WASF3: variants seen among roughly 807,000 people sequenced by gnomAD.
WASF3 encodes the protein WASP family member 3.
A neutral mutation model predicts 46.6 loss-of-function variants in WASF3; 11 were observed. The ratio of observed to expected loss-of-function variants is 0.24; its 90% CI spans 0.15 to 0.39. The LOEUF is 0.39. WASF3 is among the 10% of genes least tolerant of loss of function. WASF3 has a pLI of 1.00. For missense variants in WASF3, 576 were observed against 669.8 expected (o/e 0.86, Z 1.55); for synonymous variants, 242 against 259.7 (o/e 0.93, Z 0.65).
chr13:26,654,632 T>G (rs73496353), intron 3 of WASF3, among the ~76,000 whole-genome samples: 5,176 of 152,332 alleles, frequency 0.034, 309 homozygotes, highest in African/African-American at 0.12. Context: ...ATCTAAGTTC[T>G]TAAAATGCTT....
At chr13:26,577,795 T>C in intron 1 of WASF3, 2 of 618,536 alleles carry the variant, frequency 3.2e-6, no homozygotes, top group Non-Finnish European at 5.7e-6. Flanking sequence ...CACTAGTTTA[T>C]ACATGCACTC....
At chr13:26,635,492 A>G (rs1485218429) in intron 2 of WASF3, among the ~76,000 whole-genome samples, 1 of 152,136 alleles carries the variant, frequency 6.6e-6, no homozygotes, top group East Asian at 1.9e-4. Context: ...GCTTCTGTCA[A>G]CTCGTCAAAG....
chr13:26,577,179 T>G (rs1879823569), intron 1 of WASF3: 2 of 753,580 alleles, frequency 2.7e-6, no homozygotes, highest in Non-Finnish European at 4.9e-6. Flanking sequence ...ACTTCCTAAC[T>G]TCCTTGGCAT....
chr13:26,556,730 T>C (rs1879105624), upstream of WASF3, among the ~76,000 whole-genome samples: 1 of 152,248 alleles, frequency 6.6e-6, no homozygotes, highest in Non-Finnish European at 1.5e-5. Flanking sequence ...ATGTTGATCA[T>C]TATTACACAT....
chr13:26,562,864 CT>C (rs1168381496), intron 1 of WASF3, among the ~76,000 whole-genome samples: 3 of 43,162 alleles, frequency 7.0e-5, no homozygotes, highest in African/African-American at 3.3e-4. Flanking sequence ...CTCTCCTCCC[CT>C]CCTCCCTCCC....
intron 1 of WASF3, among the ~76,000 whole-genome samples, chr13:26,580,527 T>C (rs565135793): frequency 6.6e-6 from 1 of 152,184 alleles, no homozygotes; most frequent in Non-Finnish European, 1.5e-5. Flanking sequence ...ATTTCATATG[T>C]TATTTTTTGT....
intron 1 of WASF3, among the ~76,000 whole-genome samples, chr13:26,572,946 C>T (rs1398987534): frequency 6.6e-6 from 1 of 151,966 alleles, no homozygotes; most frequent in Non-Finnish European, 1.5e-5. Flanking sequence ...TTGTAATGTT[C>T]CTATTTTGTG....
chr13:26,552,175 G>A, the WASF3 span, among the ~76,000 whole-genome samples: 1 of 152,172 alleles, frequency 6.6e-6, no homozygotes, highest in East Asian at 1.9e-4. Context: ...AGTCTTGGCT[G>A]GGTTACCTTG....
At chr13:26,602,671 A>T (rs1161892106) in intron 1 of WASF3, among the ~76,000 whole-genome samples, 1 of 152,208 alleles carries the variant, frequency 6.6e-6, no homozygotes, top group Non-Finnish European at 1.5e-5. Context: ...GAAAAACTGA[A>T]GTTATTTGTT....
intron 2 of WASF3, among the ~76,000 whole-genome samples, chr13:26,621,440 G>T (rs1881303662): frequency 6.6e-6 from 1 of 152,158 alleles, no homozygotes; most frequent in South Asian, 2.1e-4. Context: ...AATCTGTTCT[G>T]CAGGAGAAGA....
At chr13:26,630,398 G>A (rs1196717229) in intron 2 of WASF3, among the ~76,000 whole-genome samples, 1 of 152,142 alleles carries the variant, frequency 6.6e-6, no homozygotes, top group Admixed American at 6.5e-5. Context: ...CTATGAGTGA[G>A]AACATGCAGT....
upstream of WASF3, among the ~76,000 whole-genome samples, chr13:26,554,481 C>T (rs117504367): frequency 0.027 from 4,129 of 152,092 alleles, 72 homozygotes; most frequent in Middle Eastern, 0.054. Context: ...AAAAGATTTA[C>T]CAATAGTTGA....
intron 2 of WASF3, 188 bp from the exon 3 acceptor site, chr13:26,642,073 T>G (rs1457752804): frequency 2.1e-6 from 1 of 475,396 alleles, no homozygotes; most frequent in East Asian, 3.7e-5. Flanking sequence ...ATACTATACA[T>G]GTACCTTCAG....
chr13:26,586,873 C>G (rs1880142573), intron 1 of WASF3, among the ~76,000 whole-genome samples: 1 of 152,024 alleles, frequency 6.6e-6, no homozygotes, highest in African/African-American at 2.4e-5. Flanking sequence ...ATTCTCATCA[C>G]TAAATAGAGC....
intron 1 of WASF3, among the ~76,000 whole-genome samples, chr13:26,586,078 C>G (rs1880118851): frequency 6.6e-6 from 1 of 151,872 alleles, no homozygotes; most frequent in Non-Finnish European, 1.5e-5. Context: ...TTATGATGCC[C>G]CAAAAATACC....
intron 1 of WASF3, among the ~76,000 whole-genome samples, chr13:26,589,594 G>A (rs75111897): frequency 3.4e-3 from 516 of 152,058 alleles, no homozygotes; most frequent in Non-Finnish European, 6.2e-3. Flanking sequence ...GAATAAAATT[G>A]GTACCATGTT....
intron 3 of WASF3, 131 bp downstream of exon 3, chr13:26,642,534 C>G (rs1324257625): frequency 8.5e-7 from 1 of 1,182,046 alleles, no homozygotes; most frequent in Non-Finnish European, 1.1e-6. Flanking sequence ...CTGTATTTCC[C>G]AGTATGAAAT....
At chr13:26,670,722 C>T (rs1190358358) in intron 5 of WASF3, among the ~76,000 whole-genome samples, 1 of 152,120 alleles carries the variant, frequency 6.6e-6, no homozygotes, top group Non-Finnish European at 1.5e-5. Context: ...AAATCTCTAT[C>T]ATGCAGGTTG....
At position 26,679,486 on chromosome 13, in the gene WASF3, G is replaced by C. The variant is rs1205097091; in HGVS notation, c.717-1568G>C. Among the ~76,000 whole-genome samples the C allele has an allele frequency of 6.6e-6, 1 of 152,092 alleles. No individual in the cohort carries two copies. The highest frequency in any genetic ancestry group is 1.5e-5 in the Non-Finnish European group (1 of 68,022). On this transcript the variant is annotated intron_variant, in intron 7 of 9. Transcript: ENST00000335327. The surrounding 1 kb of genome is among the most constrained non-coding windows in gnomAD (Gnocchi z 4.8). ...CTTCCTTTCTACCCTGTGTTGCAAG[G>C]CTCCTTGATAGGGATCGCCCTCCTA... is the stretch of plus-strand genomic sequence containing the variant.
Sources: allele counts gnomAD v4.1 joint callset (sites outside exome capture counted in the v4.1 genomes callset), GRCh38; gene constraint gnomAD v4.1.1; non-coding constraint Gnocchi (gnomAD v3.1); transcripts MANE v1.5; gene names NCBI Gene and HGNC (gene_info 2026-07-23, HGNC 2026-07-21).